SHISA9: variants seen among roughly 807,000 people sequenced by gnomAD.
SHISA9 encodes protein shisa-9.
A neutral mutation model predicts 38.0 loss-of-function variants in SHISA9; 13 were observed. The observed-to-expected ratio is 0.34, with a 90% CI of 0.22 to 0.54. The LOEUF is 0.54. Ranked by LOEUF, SHISA9 falls within the 20% of genes least tolerant of loss-of-function variation. SHISA9 has a pLI of 0.91. For synonymous variants in SHISA9, 275 were observed against 242.0 expected (o/e 1.14, Z -1.27); for missense variants, 538 against 575.8 (o/e 0.93, Z 0.67).
chr16:13,342,267 C>T, the SHISA9 span, among the ~76,000 whole-genome samples: 1 of 152,288 alleles, frequency 6.6e-6, no homozygotes, highest in South Asian at 2.1e-4. Flanking sequence ...TGTTACTGAA[C>T]ACTGTCCTAT....
At chr16:13,049,305 C>T (rs1303337292) in intron 2 of SHISA9, among the ~76,000 whole-genome samples, 1 of 151,996 alleles carries the variant, frequency 6.6e-6, no homozygotes, top group Non-Finnish European at 1.5e-5. Flanking sequence ...AGATCATCTC[C>T]AAGTCTCCCT....
intron 2 of SHISA9, among the ~76,000 whole-genome samples, chr16:13,026,637 G>GATT (rs1246935159): frequency 9.2e-4 from 140 of 152,250 alleles, no homozygotes; most frequent in African/African-American, 3.1e-3. Flanking sequence ...AATCTTTTGA[G>GATT]AAACCTCTAT....
At chr16:13,405,005 G>A in the SHISA9 span, among the ~76,000 whole-genome samples, 1 of 152,186 alleles carries the variant, frequency 6.6e-6, no homozygotes, top group Non-Finnish European at 1.5e-5. Context: ...TAAGGCAGGT[G>A]GAAGACACTG....
the SHISA9 span, among the ~76,000 whole-genome samples, chr16:13,401,935 A>G: frequency 6.6e-6 from 1 of 152,152 alleles, no homozygotes; most frequent in African/African-American, 2.4e-5. Context: ...TTATAAAACC[A>G]TCAGATCTCA....
the SHISA9 span, among the ~76,000 whole-genome samples, chr16:13,522,883 T>C: frequency 6.6e-6 from 1 of 152,162 alleles, no homozygotes; most frequent in East Asian, 1.9e-4. Flanking sequence ...GGGAATATGA[T>C]GCAATTCAGC....
chr16:13,202,954 T>A (rs955921861), intron 2 of SHISA9, among the ~76,000 whole-genome samples: 1 of 152,332 alleles, frequency 6.6e-6, no homozygotes, highest in East Asian at 1.9e-4. Context: ...GAGGCCTCCC[T>A]GTGCTCAGCA....
the SHISA9 span, among the ~76,000 whole-genome samples, chr16:13,328,154 G>T: frequency 1.3e-5 from 2 of 152,126 alleles, no homozygotes; most frequent in Admixed American, 1.3e-4. Flanking sequence ...GCCTCGAGCA[G>T]GGGCCTCTCA....
At chr16:13,164,876 G>A (rs554311569) in intron 2 of SHISA9, among the ~76,000 whole-genome samples, 137 of 152,196 alleles carry the variant, frequency 9.0e-4, no homozygotes, top group African/African-American at 3.1e-3. Context: ...AAATGATTGA[G>A]ATTTTATTCT....
chr16:13,494,142 G>A, the SHISA9 span, among the ~76,000 whole-genome samples: 1 of 152,308 alleles, frequency 6.6e-6, no homozygotes, highest in East Asian at 1.9e-4. Context: ...TTAATGCACT[G>A]GTGCTGATGA....
chr16:13,298,109 G>A, the SHISA9 span, among the ~76,000 whole-genome samples: 10 of 152,136 alleles, frequency 6.6e-5, no homozygotes, highest in African/African-American at 2.2e-4. Context: ...AGGCTGCAGG[G>A]AAATACATTC....
intron 2 of SHISA9, among the ~76,000 whole-genome samples, chr16:12,975,891 TGCCAGTGAACATTAA>T (rs1433478095): frequency 6.6e-6 from 1 of 150,580 alleles, no homozygotes; most frequent in African/African-American, 2.4e-5. Context: ...TTTTTTTTTT[TGCCAGTGAACATTAA>T]GCCAACAGAA....
the SHISA9 span, among the ~76,000 whole-genome samples, chr16:13,247,673 C>T: frequency 6.6e-6 from 1 of 152,186 alleles, no homozygotes; most frequent in Non-Finnish European, 1.5e-5. Flanking sequence ...GATTCCAAAT[C>T]CTAACTCGTG....
the SHISA9 span, among the ~76,000 whole-genome samples, chr16:13,383,943 C>T: frequency 3.3e-5 from 5 of 152,154 alleles, no homozygotes; most frequent in Non-Finnish European, 5.9e-5. Flanking sequence ...ACGTGAGCCA[C>T]CGTGCCCGGC....
chr16:13,332,404 A>G, the SHISA9 span: 2 of 152,192 alleles, frequency 1.3e-5, no homozygotes, highest in Non-Finnish European at 2.9e-5. Context: ...CTTGTTGGAA[A>G]AATATTGAAA....
chr16:13,436,525 A>G, the SHISA9 span, among the ~76,000 whole-genome samples: 1 of 152,194 alleles, frequency 6.6e-6, no homozygotes, highest in Non-Finnish European at 1.5e-5. Context: ...AGAAATAACC[A>G]CAAAAATAGT....
chr16:13,028,633 G>A lies in SHISA9; in HGVS notation c.691+111818G>A, dbSNP rs775836465. Among the ~76,000 whole-genome samples the A allele has an allele frequency of 3.9e-5, 6 of 152,234 alleles. No homozygotes were observed. In the East Asian group the frequency reaches 1.2e-3, roughly 29 times the overall value. ...CCTCCCACAACATTTGGGAATTATG[G>A]GAGTTGCAATTCAAGATGAGATTTG... On this transcript the variant is annotated intron_variant, in intron 2 of 4. Coordinates refer to ENST00000558583, the MANE Select transcript of SHISA9 (RefSeq NM_001145204.3).
Position 13,238,423 on chromosome 16 carries a change from T to C in SHISA9, c.*3014T>C, listed in dbSNP as rs1259542713. On this transcript the variant is annotated 3_prime_UTR_variant, in exon 5 of 5. Transcript: ENST00000558583. ...AAGTTTCCATAATTCTTATCTCCCT[T>C]TTACCTCGTGGTTGCTCTTTGCCCC... The C allele has an allele frequency of 6.6e-6, 1 of 152,174 alleles. No individual in the cohort carries two copies. The highest frequency in any genetic ancestry group is 1.5e-5 in the Non-Finnish European group (1 of 68,034). 9.4% of individuals were successfully genotyped at this position (152,174 alleles called of 1,614,324 possible). A position where few individuals can be genotyped will look rare whatever the true frequency, so the allele number is the denominator to read the frequency against.
At chr16:13,493,695 A>G in the SHISA9 span, among the ~76,000 whole-genome samples, 1 of 151,432 alleles carries the variant, frequency 6.6e-6, no homozygotes, top group Non-Finnish European at 1.5e-5. Context: ...CTGAGAGCCA[A>G]GATGTGAGAA....
chr16:13,111,845 T>C (rs538537044), intron 2 of SHISA9, among the ~76,000 whole-genome samples: 1 of 152,256 alleles, frequency 6.6e-6, no homozygotes, highest in East Asian at 1.9e-4. Flanking sequence ...TGTTCCTGGA[T>C]AGGTGAGAGG....
Sources: gnomAD v4.1 joint callset for allele counts (sites outside exome capture counted in the v4.1 genomes callset) on GRCh38, gnomAD v4.1.1 for gene constraint, MANE v1.5 for transcripts, NCBI Gene and HGNC (gene_info 2026-07-23, HGNC 2026-07-21) for gene names.